The following ARHGAP10 variants were observed in gnomAD, a reference collection of about 807,000 sequenced individuals.
ARHGAP10 encodes Rho GTPase activating protein 10.
Under a neutral mutation model 108.6 loss-of-function variants are expected in ARHGAP10, and 87 were observed. That is an observed-to-expected ratio of 0.80 (90% CI 0.67 to 0.96). The LOEUF (loss-of-function observed/expected upper bound fraction) is 0.96, where lower values mean the gene tolerates loss of function less well. ARHGAP10 is among the 40% of genes least tolerant of loss of function. The probability of loss-of-function intolerance (pLI) is 0.00; values close to 1 mark genes in which losing one functional copy is unlikely to be tolerated. For missense variants in ARHGAP10, 939 were observed against 954.5 expected, an observed-to-expected ratio of 0.98 and a Z score of 0.21; for synonymous variants, 347 against 341.1, an observed-to-expected ratio of 1.02 and a Z score of -0.19.
intron 1 of ARHGAP10, among the ~76,000 whole-genome samples, chr4:147,756,106 T>G (rs566267744): frequency 1.4e-5 from 2 of 144,658 alleles, no homozygotes; most frequent in East Asian, 2.0e-4. Flanking sequence ...GCCTAGTCAT[T>G]ACACCCACCC....
chr4:147,974,361 C>T (rs1739517491), intron 18 of ARHGAP10, among the ~76,000 whole-genome samples: 1 of 152,018 alleles, frequency 6.6e-6, no homozygotes, highest in African/African-American at 2.4e-5. Context: ...TGTAATTTGA[C>T]TCCCTCCTCA....
At chr4:147,893,587 T>C (rs1448320172) in intron 10 of ARHGAP10, among the ~76,000 whole-genome samples, 2 of 147,958 alleles carry the variant, frequency 1.4e-5, no homozygotes, top group African/African-American at 2.4e-5. Context: ...TATATATTTA[T>C]ATATTTATAT....
chr4:147,892,445 T>G (rs1237909149), intron 10 of ARHGAP10, among the ~76,000 whole-genome samples: 1 of 152,172 alleles, frequency 6.6e-6, no homozygotes, highest in East Asian at 1.9e-4. Flanking sequence ...TGACTGTTTT[T>G]GGCACTGAGG....
intron 19 of ARHGAP10, 115 bp from the exon 20 acceptor site, chr4:148,046,777 C>A: frequency 9.3e-7 from 1 of 1,078,230 alleles, no homozygotes; most frequent in Non-Finnish European, 1.3e-6. Flanking sequence ...TCAGGCTGAA[C>A]TGTAAATGTA....
intron 4 of ARHGAP10, among the ~76,000 whole-genome samples, chr4:147,852,826 C>T (rs1349101448): frequency 1.3e-5 from 2 of 149,340 alleles, no homozygotes; most frequent in Admixed American, 6.8e-5. Context: ...TCAAGTGATT[C>T]TCGTGCCTCA....
rs568260208 is a variant in ARHGAP10 at position 147,770,356 on chromosome 4, CT to C, written c.154+37902del. On this transcript the variant is annotated intron_variant, in intron 1 of 22. Coordinates refer to ENST00000336498, the MANE Select transcript of ARHGAP10 (RefSeq NM_024605.4). ...CCTGGCCAACATGGTGAAACCCTGT[CT>C]CTACTAAAAATGGAAAAATTAGCTG... 2.2e-3 allele frequency among the ~76,000 whole-genome samples: 330 copies of C among 152,212 alleles called. 3 individuals are homozygous for C. The highest frequency in any genetic ancestry group is 3.7e-3 in the Non-Finnish European group (250 of 68,032).
intron 3 of ARHGAP10, among the ~76,000 whole-genome samples, chr4:147,834,587 A>T (rs1169948262): frequency 6.6e-6 from 1 of 152,140 alleles, no homozygotes; most frequent in Non-Finnish European, 1.5e-5. Context: ...ACTTGTTTGA[A>T]TGTCCCAAGC....
chr4:147,887,076 T>A (rs1179849024), intron 10 of ARHGAP10, among the ~76,000 whole-genome samples: 1 of 152,166 alleles, frequency 6.6e-6, no homozygotes, highest in African/African-American at 2.4e-5. Context: ...TTTCCTTAGT[T>A]GCTGTATACT....
At chr4:147,939,073 T>C (rs537748867) in intron 13 of ARHGAP10, among the ~76,000 whole-genome samples, 15 of 152,348 alleles carry the variant, frequency 9.8e-5, no homozygotes, top group Admixed American at 3.9e-4. Flanking sequence ...GAGATTTTCT[T>C]ACCCTTAATG....
At chr4:147,898,649 G>A (rs1736095177) in intron 10 of ARHGAP10, among the ~76,000 whole-genome samples, 1 of 152,118 alleles carries the variant, frequency 6.6e-6, no homozygotes, top group African/African-American at 2.4e-5. Context: ...GGAGATTTCA[G>A]ATTCTCTGTT....
chr4:148,013,716 C>T (rs756868046), intron 18 of ARHGAP10, among the ~76,000 whole-genome samples: 2 of 152,042 alleles, frequency 1.3e-5, no homozygotes, highest in Non-Finnish European at 2.9e-5. Context: ...CTCTAGCCTA[C>T]CCAAATGACT....
intron 18 of ARHGAP10, among the ~76,000 whole-genome samples, chr4:148,022,682 A>G (rs1202903304): frequency 6.6e-6 from 1 of 152,254 alleles, no homozygotes. Context: ...TAGGTTTCAT[A>G]AATGAAAGGG....
intron 1 of ARHGAP10, among the ~76,000 whole-genome samples, chr4:147,792,512 G>C (rs113834856): frequency 6.6e-6 from 1 of 151,974 alleles, no homozygotes; most frequent in Non-Finnish European, 1.5e-5. Flanking sequence ...GAACACCTAC[G>C]AGCTCATCAG....
intron 1 of ARHGAP10, among the ~76,000 whole-genome samples, chr4:147,744,368 A>G (rs1728816742): frequency 7.1e-6 from 1 of 140,476 alleles, no homozygotes; most frequent in African/African-American, 2.6e-5. Flanking sequence ...GAGGATAAGA[A>G]TGGTGCTGTC....
intron 12 of ARHGAP10, among the ~76,000 whole-genome samples, chr4:147,910,252 G>C (rs1736678302): frequency 6.6e-6 from 1 of 151,758 alleles, no homozygotes. Flanking sequence ...CAAACTCCTG[G>C]GGTCAAGTGA....
At chr4:147,951,156 G>T (rs1349680293) in intron 15 of ARHGAP10, among the ~76,000 whole-genome samples, 1 of 152,076 alleles carries the variant, frequency 6.6e-6, no homozygotes, top group East Asian at 1.9e-4. Context: ...AATGATATAA[G>T]TAACTTGTAG....
chr4:148,048,468 A>G (rs75800826), intron 20 of ARHGAP10, among the ~76,000 whole-genome samples: 5,602 of 152,270 alleles, frequency 0.037, 170 homozygotes, highest in Non-Finnish European at 0.056. Context: ...AGGATTGTGG[A>G]TTTAAATCCT....
chr4:147,964,818 G>A (rs572539714), intron 16 of ARHGAP10, among the ~76,000 whole-genome samples: 1 of 152,262 alleles, frequency 6.6e-6, no homozygotes, highest in East Asian at 1.9e-4. Flanking sequence ...CTCATTAGGG[G>A]AGGCATGAGA....
chr4:147,793,119 G>A (rs1215165924), intron 1 of ARHGAP10, among the ~76,000 whole-genome samples: 2 of 152,036 alleles, frequency 1.3e-5, no homozygotes, highest in African/African-American at 4.8e-5. Flanking sequence ...CAGCCTGGGC[G>A]ACAGAGTGAG....
Sources: gnomAD v4.1 joint callset for allele counts (sites outside exome capture counted in the v4.1 genomes callset) on GRCh38, gnomAD v4.1.1 for gene constraint, MANE v1.5 for transcripts, NCBI Gene and HGNC (gene_info 2026-07-23, HGNC 2026-07-21) for gene names.